Variants in NIN observed in about 807,000 individuals in gnomAD.
The protein encoded by NIN is glycogen synthase kinase 3 beta-interacting protein.
Under a neutral mutation model 257.6 loss-of-function variants are expected in NIN, and 137 were observed. The observed-to-expected ratio is 0.53, with a 90% CI of 0.46 to 0.61. The LOEUF (loss-of-function observed/expected upper bound fraction) is 0.61. Among genes scored for constraint, NIN ranks in the 20% least tolerant of loss-of-function variants. NIN has a pLI of 0.00. For synonymous variants in NIN, 918 were observed against 919.8 expected, an observed-to-expected ratio of 1.00 and a Z score of 0.04; for missense variants, 2,439 against 2,501.2, an observed-to-expected ratio of 0.98 and a Z score of 0.53.
chr14:50,739,322 G>A lies in NIN; in HGVS notation c.5614C>T (p.His1872Tyr), dbSNP rs764338254. The A allele has an allele frequency of 1.1e-5, 18 of 1,613,974 alleles. No individual in the cohort carries two copies. The highest frequency in any genetic ancestry group is 1.5e-5 in the Non-Finnish European group (18 of 1,179,998). The stretch of plus-strand genomic sequence containing the variant: ...TCTCCAATTACCTTCTCCCGGGAGT[G>A]CGTGAGTTCGGCTTTGGTGTTCTGT... The part of the protein sequence containing the change: ...MVQNTKAELT[H>Y]SREKVRQLES... Residue 1872 changes from histidine to tyrosine, a missense_variant, in exon 26 of 31, where the codon CAC becomes TAC. Physicochemically the swap from His to Tyr is moderately conservative, Grantham distance 83. Around this residue, in one of 3 missense-constraint regions of NIN, gnomAD observed 2,043 missense variants for 2,050.2 expected, o/e 1.00. Transcript: ENST00000530997.
chr14:50,742,169 T>C (rs1454475797), intron 24 of NIN: 1 of 153,672 alleles, frequency 6.5e-6, no homozygotes, highest in African/African-American at 2.4e-5. Context: ...ATCCCAGTAC[T>C]TTAGGAAGCC....
Position 50,740,173 on chromosome 14 carries a change from G to A in NIN, c.5449-686C>T, listed in dbSNP as rs76630989. Among the ~76,000 whole-genome samples the A allele has an allele frequency of 8.3e-3, 1,217 of 146,906 alleles. 18 individuals carry two copies. Among genetic ancestry groups the A allele is most frequent in the African/African-American group, 0.028 (1,131 of 40,730 alleles). On this transcript the variant is annotated intron_variant, in intron 25 of 30. Transcript: ENST00000530997. The stretch of plus-strand genomic sequence containing the variant: ...ATTTTCAGAAAAAGTCAACCCAGAA[G>A]TAATTTTAAAAATGGAAACTTTTTT...
intron 4 of NIN, among the ~76,000 whole-genome samples, chr14:50,798,197 TTC>T (rs1192328467): frequency 6.6e-6 from 1 of 152,182 alleles, no homozygotes; most frequent in Admixed American, 6.5e-5. Flanking sequence ...CCCCAACTAC[TTC>T]TCTCTCCTGG....
At chr14:50,749,726 G>T (rs2041707368) in intron 21 of NIN, among the ~76,000 whole-genome samples, 2 of 152,042 alleles carry the variant, frequency 1.3e-5, no homozygotes, top group South Asian at 4.1e-4. Flanking sequence ...GTCTCACTCT[G>T]TTGCCCAGGC....
rs538981711 is a variant in NIN, at chr14:50,760,333, G to A, written c.1923C>T (p.Asp641=). ...CCTTCTTGCAGCTGACCACGGTTTC[G>A]TCCAGCTGCTTTTCATAATGGCGCA... ...DKVRHYEKQL[D]ETVVSCKKAQ... The change falls in exon 17 of 31, where the codon GAC becomes GAT. Residue 641 remains aspartate (D), a synonymous_variant. Coordinates refer to ENST00000530997, the MANE Select transcript of NIN (RefSeq NM_020921.4). The A allele has an allele frequency of 2.8e-4, 445 of 1,605,430 alleles. 6 individuals carry two copies. The South Asian group carries it at 4.1e-3, about 15-fold the overall frequency.
At chr14:50,731,815 A>G (rs1301357966) in intron 28 of NIN, among the ~76,000 whole-genome samples, 1 of 152,072 alleles carries the variant, frequency 6.6e-6, no homozygotes, top group African/African-American at 2.4e-5. Flanking sequence ...ACAGAGCGAG[A>G]CTCCGTTTAA....
intron 2 of NIN, among the ~76,000 whole-genome samples, chr14:50,824,028 T>C (rs970224181): frequency 6.6e-6 from 1 of 152,228 alleles, no homozygotes; most frequent in Non-Finnish European, 1.5e-5. Context: ...GGATTTTCAG[T>C]GTTGCGGTAG....
rs2040253652 is a variant in NIN at position 50,720,648 on chromosome 14, G to C, written c.*2815C>G. ...AAACAGTTTAAAAAATCTGGATTTA[G>C]TAAGAGTTTTAGAAAAATAAATAAA... On this transcript the variant is annotated 3_prime_UTR_variant, in exon 31 of 31. Transcript: ENST00000530997. 4.8e-6 allele frequency: 1 copy of C among 207,022 alleles called. No individual in the cohort carries two copies. Among genetic ancestry groups the C allele is most frequent in the East Asian group, 7.4e-5 (1 of 13,510 alleles). 12.8% of individuals were successfully genotyped at this position (207,022 alleles called of 1,614,324 possible). A position where few individuals can be genotyped will look rare whatever the true frequency, so the allele number is the denominator to read the frequency against.
intron 20 of NIN, among the ~76,000 whole-genome samples, chr14:50,753,159 G>A (rs1166661762): frequency 6.6e-6 from 1 of 152,164 alleles, no homozygotes; most frequent in Non-Finnish European, 1.5e-5. Flanking sequence ...CAGCACTTTG[G>A]GACGCCGAGA....
intron 3 of NIN, among the ~76,000 whole-genome samples, chr14:50,813,960 TA>T (rs1201774838): frequency 6.6e-6 from 1 of 152,194 alleles, no homozygotes. Flanking sequence ...CTTACAGCAT[TA>T]TGCAAAGAGA....
rs372081408 is a variant in NIN, at chr14:50,727,519, TAA to T, written c.6079-1455_6079-1454del. 3.4e-5 allele frequency: 42 copies of T among 1,218,274 alleles called. 1 individual carries two copies. The African/African-American group carries it at 4.2e-4, about 12-fold the overall frequency. The allele number at this position is 1,218,274 out of a possible 1,614,324, so 75.5% of individuals were successfully genotyped here. On this transcript the variant is annotated intron_variant, in intron 29 of 30. Transcript: ENST00000530997. ...GATCTGTCATTTCTACATAAATAAA[TAA>T]GAGACATAATACTGCAAAGGTTTAA...
At chr14:50,807,230 T>A (rs1469324104) in intron 3 of NIN, among the ~76,000 whole-genome samples, 1 of 152,228 alleles carries the variant, frequency 6.6e-6, no homozygotes, top group Non-Finnish European at 1.5e-5. Context: ...TCTTGAGATA[T>A]TCTAGAAGGG....
intron 29 of NIN, among the ~76,000 whole-genome samples, chr14:50,726,761 T>A (rs1247154573): frequency 2.0e-5 from 3 of 152,174 alleles, no homozygotes; most frequent in Non-Finnish European, 4.4e-5. Context: ...CTAGAGAGAT[T>A]AGAATGCAAT....
At chr14:50,827,773 A>AG (rs71121606) in intron 2 of NIN, among the ~76,000 whole-genome samples, 1 of 147,668 alleles carries the variant, frequency 6.8e-6, no homozygotes, top group Non-Finnish European at 1.5e-5. Flanking sequence ...AAAAAAAAAA[A>AG]GAAAGAAAAA....
At chr14:50,783,194 G>A (rs1372015421) in intron 5 of NIN, among the ~76,000 whole-genome samples, 2 of 150,742 alleles carry the variant, frequency 1.3e-5, no homozygotes, top group African/African-American at 4.9e-5. Context: ...ACCTACAGAT[G>A]CCTGCTACCA....
rs1445726931 is a variant in NIN, at chr14:50,758,518, C to T, written c.2512G>A (p.Gly838Arg). 8.1e-6 allele frequency: 13 copies of T among 1,614,056 alleles called. No individual in the cohort carries two copies. The highest frequency in any genetic ancestry group is 3.3e-5 in the Admixed American group (2 of 59,998). ...RCESALQSLE[G>R]RYRQELKDLQ... The stretch of plus-strand genomic sequence containing the variant: ...TCCTTCAGCTCTTGGCGGTAGCGCC[C>T]CTCCAGGCTTTGCAGAGCGCTTTCA... The change falls in exon 18 of 31, where the codon GGG (glycine) becomes AGG (arginine). Residue 838 changes from glycine (G) to arginine (R), a missense_variant. Transcript: ENST00000530997.
At position 50,756,877 on chromosome 14, in the gene NIN, C is replaced by T. The variant is rs1192248708; in HGVS notation, c.4153G>A (p.Glu1385Lys). The T allele has an allele frequency of 1.3e-6, 2 of 1,553,148 alleles. No homozygotes were observed. Among genetic ancestry groups the T allele is most frequent in the Admixed American group, 2.0e-5 (1 of 51,078 alleles). Reference sequence around the variant, plus strand: ...TACTGGTTTTCTTGCTTACATTCCTCTATGACATGATGTACACTCCTAACC... The same window carrying T: ...TACTGGTTTTCTTGCTTACATTCCTTTATGACATGATGTACACTCCTAACC... The part of the protein sequence containing the change: ...PRVRSVHHVI[E>K]ECKQENQYLE... The change falls in exon 18 of 31, where the codon GAG (glutamate) becomes AAG (lysine). Residue 1385 changes from glutamate (E) to lysine (K), a missense_variant. By Grantham distance (56) the Glu-to-Lys change is moderately conservative (BLOSUM62 1). Transcript: ENST00000530997.
chr14:50,771,547 A>G (rs1358915411), intron 9 of NIN, 79 bp from the exon 10 acceptor site: 1 of 1,479,616 alleles, frequency 6.8e-7, no homozygotes, highest in Non-Finnish European at 9.2e-7. Flanking sequence ...TGAAGGCTAT[A>G]CAAACTCTGA....
At chr14:50,725,851 T>C in intron 30 of NIN, 102 bp downstream of exon 30, 1 of 1,594,296 alleles carries the variant, frequency 6.3e-7, no homozygotes, top group South Asian at 1.1e-5. Flanking sequence ...TTGCCTTTAT[T>C]AGACAACATA....
Sources: allele counts gnomAD v4.1 joint callset (sites outside exome capture counted in the v4.1 genomes callset), GRCh38; gene constraint gnomAD v4.1.1; regional missense constraint gnomAD v4.1.1; transcripts MANE v1.5; gene names NCBI Gene and HGNC (gene_info 2026-07-23, HGNC 2026-07-21).